Variants in KDM5B observed in about 807,000 individuals in gnomAD.
The protein encoded by KDM5B is lysine demethylase 5B, also known as lysine-specific demethylase 5B.
KDM5B carries 144 observed loss-of-function variants against 193.4 expected under a neutral mutation model. The observed-to-expected ratio is 0.74, with a 90% CI of 0.65 to 0.86. The LOEUF (loss-of-function observed/expected upper bound fraction) is 0.86, where lower values mean the gene tolerates loss of function less well. Among genes scored for constraint, KDM5B ranks in the 40% least tolerant of loss-of-function variants. KDM5B has a pLI of 0.00. For missense variants in KDM5B, 1,833 were observed against 1,886.9 expected, an observed-to-expected ratio of 0.97 and a Z score of 0.53; for synonymous variants, 668 against 682.6, an observed-to-expected ratio of 0.98 and a Z score of 0.33.
chr1:202,780,090 A>G (rs765680628), intron 1 of KDM5B, among the ~76,000 whole-genome samples: 1 of 152,278 alleles, frequency 6.6e-6, no homozygotes, highest in South Asian at 2.1e-4. Flanking sequence ...AACTTCACTC[A>G]AAATTCAAGA....
intron 11 of KDM5B, 92 bp from the exon 12 acceptor site, chr1:202,753,159 G>T: frequency 9.1e-7 from 1 of 1,098,398 alleles, no homozygotes; most frequent in Non-Finnish European, 1.3e-6. Flanking sequence ...GGCTTTGTAA[G>T]ACTACGCAAA....
intron 5 of KDM5B, chr1:202,766,560 C>A: frequency 2.4e-6 from 1 of 421,624 alleles, no homozygotes; most frequent in South Asian, 1.8e-5. Context: ...TCTAACCACT[C>A]TGTTTAAAAA....
Position 202,741,588 on chromosome 1 carries a change from A to G in KDM5B, c.2724T>C (p.Ala908=). ...CTTGTTCCAAACGGATACGCATCTC[A>G]GCAAGCTGTGGAAGTTCAACATCAA... is the stretch of plus-strand genomic sequence containing the variant. ...FEFDVELPQL[A]EMRIRLEQAR... is the part of the protein sequence containing the mutation. Residue 908 remains alanine (A), a synonymous_variant, in exon 19 of 27, where the codon GCT becomes GCC. Transcript: ENST00000367265. 6.2e-7 allele frequency: 1 copy of G among 1,614,252 alleles called. No homozygotes were observed. Among genetic ancestry groups the G allele is most frequent in the Non-Finnish European group, 8.5e-7 (1 of 1,180,038 alleles).
Position 202,735,567 on chromosome 1 carries a change from A to G in KDM5B, c.3285T>C (p.Asp1095=). 4 of 1,613,994 alleles carry G rather than the reference A, an allele frequency of 2.5e-6. No individual in the cohort carries two copies. Among genetic ancestry groups the G allele is most frequent in the Non-Finnish European group, 3.4e-6 (4 of 1,179,878 alleles). ...TCCTTTTCAATCCCAAAAGGCCAAT[A>G]TCACATCGAGGACACAGCACCTAAT... ...SLLEVLCPRC[D]IGLLGLKRKQ... Residue 1095 remains aspartate (D), a synonymous_variant, in exon 22 of 27, where the codon GAT becomes GAC. Coordinates refer to ENST00000367265, the MANE Select transcript of KDM5B (RefSeq NM_006618.5).
At chr1:202,795,231 AAAT>A (rs1229766686) in intron 1 of KDM5B, among the ~76,000 whole-genome samples, 1 of 141,596 alleles carries the variant, frequency 7.1e-6, no homozygotes, top group Admixed American at 7.5e-5. Flanking sequence ...AAATAATAAA[AAAT>A]AATAATAATA....
intron 1 of KDM5B, among the ~76,000 whole-genome samples, chr1:202,795,268 C>G (rs2102337325): frequency 6.6e-6 from 1 of 152,122 alleles, no homozygotes; most frequent in East Asian, 1.9e-4. Context: ...TGTAGTCTTT[C>G]TCTCAAAATA....
chr1:202,741,132 G>C (rs1278844546), intron 19 of KDM5B, among the ~76,000 whole-genome samples: 3 of 152,130 alleles, frequency 2.0e-5, no homozygotes, highest in African/African-American at 7.2e-5. Flanking sequence ...ACCAACTCTA[G>C]AAAAGGTGTG....
Position 202,729,788 on chromosome 1 carries a change from T to C in KDM5B, c.4416A>G (p.Thr1472=). The change falls in exon 26 of 27, where the codon ACA becomes ACG. Residue 1472 remains threonine, a synonymous_variant. Transcript: ENST00000367265. The stretch of plus-strand genomic sequence containing the variant: ...CAGAGTCTTCCTGTTCGGAATAGGA[T>C]GTGTCTGAGGGCAGGGAATGAGTTT... The part of the protein sequence containing the change: ...SAETHSLPSD[T]SYSEQEDSED... 6.2e-7 allele frequency: 1 copy of C among 1,614,092 alleles called. No homozygotes were observed. The highest frequency in any genetic ancestry group is 8.5e-7 in the Non-Finnish European group (1 of 1,179,968).
chr1:202,738,889 T>C (rs766470871), intron 20 of KDM5B, among the ~76,000 whole-genome samples: 1 of 152,220 alleles, frequency 6.6e-6, no homozygotes. Context: ...TTTAAACTTA[T>C]ATACAGGTCA....
At chr1:202,786,890 A>G (rs1417616223) in intron 1 of KDM5B, among the ~76,000 whole-genome samples, 5 of 152,120 alleles carry the variant, frequency 3.3e-5, no homozygotes, top group Admixed American at 3.3e-4. Context: ...TTATAAATAT[A>G]CAAAAAGCTA....
chr1:202,766,565 T>TA (rs752884490), intron 5 of KDM5B: 131 of 423,634 alleles, frequency 3.1e-4, no homozygotes, highest in Middle Eastern at 1.7e-3. Context: ...CCACTCTGTT[T>TA]AAAAAAACTC....
At chr1:202,807,678 A>G (rs972892372) in intron 1 of KDM5B, among the ~76,000 whole-genome samples, 1 of 15,250 alleles carries the variant, frequency 6.6e-5, no homozygotes, top group Non-Finnish European at 1.4e-4. Context: ...ACACCCCCGC[A>G]CCCCGGGAGC....
intron 1 of KDM5B, among the ~76,000 whole-genome samples, chr1:202,781,253 T>C (rs1376886800): frequency 6.6e-6 from 1 of 152,212 alleles, no homozygotes; most frequent in Non-Finnish European, 1.5e-5. Context: ...TGAGCTATGA[T>C]TGTGCCACTG....
chr1:202,764,921 G>A (rs1300281259), intron 5 of KDM5B, among the ~76,000 whole-genome samples: 1 of 152,184 alleles, frequency 6.6e-6, no homozygotes, highest in Admixed American at 6.5e-5. Flanking sequence ...AGGTTGCAGT[G>A]AGCCAAGACC....
At chr1:202,766,517 A>G (rs1558501282) in intron 5 of KDM5B, 3 of 437,568 alleles carry the variant, frequency 6.9e-6, no homozygotes, top group Non-Finnish European at 1.4e-5. Context: ...AAAAAAAAAA[A>G]AAGAAGTCTG....
rs1656106943 is a variant in KDM5B at position 202,758,444 on chromosome 1, A to C, written c.1144T>G (p.Phe382Val). The change falls in exon 9 of 27, where the codon TTT becomes GTT. Residue 382 changes from phenylalanine to valine, a missense_variant. By Grantham distance (50) the Phe-to-Val change is conservative. Transcript: ENST00000367265. ...QAARDYTLRT[F>V]GEMADAFKSD... The stretch of plus-strand genomic sequence containing the variant: ...TTGAACGCATCTGCCATTTCCCCAA[A>C]AGTACGGAGGGTATAGTCCCTGGCT... The C allele has an allele frequency of 6.2e-7, 1 of 1,613,192 alleles. No individual in the cohort carries two copies. Among genetic ancestry groups the C allele is most frequent in the South Asian group, 1.1e-5 (1 of 91,030 alleles).
chr1:202,801,898 C>T (rs1051888841), intron 1 of KDM5B, among the ~76,000 whole-genome samples: 1 of 152,118 alleles, frequency 6.6e-6, no homozygotes, highest in African/African-American at 2.4e-5. Flanking sequence ...TGTCGGTACG[C>T]CCTCTGGTGA....
At position 202,726,077 on chromosome 1, in the gene KDM5B, A is replaced by ACT. The variant is rs1342492715; in HGVS notation, c.*2957_*2958dup. On this transcript the variant is annotated 3_prime_UTR_variant, in exon 27 of 27. Coordinates refer to ENST00000367265, the MANE Select transcript of KDM5B (RefSeq NM_006618.5). ...TTCACCCTCTTCCAGGTAGAGATCTACTCTATTCTTAGGCTAATCTTGCAC... is the reference window on the plus strand; with the variant it reads ...TTCACCCTCTTCCAGGTAGAGATCTACTCTCTATTCTTAGGCTAATCTTGCAC... 1 of 152,118 alleles carries ACT rather than the reference A, an allele frequency of 6.6e-6. No individual in the cohort carries two copies. The highest frequency in any genetic ancestry group is 2.4e-5 in the African/African-American group (1 of 41,410). The allele number at this position is 152,118 out of a possible 1,614,324, so 9.4% of individuals were successfully genotyped here.
chr1:202,794,534 A>G (rs1657761412), intron 1 of KDM5B, among the ~76,000 whole-genome samples: 2 of 152,266 alleles, frequency 1.3e-5, no homozygotes, highest in Non-Finnish European at 2.9e-5. Flanking sequence ...GCCTAAGGGC[A>G]CATAAAGTAC....
Sources: allele counts gnomAD v4.1 joint callset (sites outside exome capture counted in the v4.1 genomes callset), GRCh38; gene constraint gnomAD v4.1.1; transcripts MANE v1.5; gene names NCBI Gene and HGNC (gene_info 2026-07-23, HGNC 2026-07-21).